The following ALDH1A3 variants were observed in gnomAD, a reference collection of about 807,000 sequenced individuals.
ALDH1A3 encodes aldehyde dehydrogenase 1 family member A3.
A neutral mutation model predicts 57.5 loss-of-function variants in ALDH1A3; 28 were observed. That is an observed-to-expected ratio of 0.49 (90% CI 0.36 to 0.67). The LOEUF is 0.67. Among genes scored for constraint, ALDH1A3 ranks in the 30% least tolerant of loss-of-function variants. The pLI is 0.00. For synonymous variants in ALDH1A3, 281 were observed against 264.8 expected, an observed-to-expected ratio of 1.06 and a Z score of -0.59; for missense variants, 507 against 669.4, an observed-to-expected ratio of 0.76 and a Z score of 2.68.
chr15:100,890,116 G>A lies in ALDH1A3; in HGVS notation c.346-2394G>A, dbSNP rs2041635326. ...TGCTCTTTGGGCGCTCATTTTGGGA[G>A]CTCCCAAACGGAAGCCCTCCCTATC... On this transcript the variant is annotated intron_variant, in intron 3 of 12. Transcript: ENST00000329841. Among the ~76,000 whole-genome samples, 2 of 152,172 alleles carry A rather than the reference G, an allele frequency of 1.3e-5. 1 individual carries two copies. The highest frequency in any genetic ancestry group is 4.1e-4 in the South Asian group (2 of 4,828).
chr15:100,900,457 C>T, intron 8 of ALDH1A3, 118 bp from the exon 9 acceptor site: 1 of 904,242 alleles, frequency 1.1e-6, no homozygotes, highest in Non-Finnish European at 1.7e-6. Context: ...GAAATGCAGC[C>T]ATCCTGGGGC....
chr15:100,914,067 G>A (rs1567175919), intron 12 of ALDH1A3: 1 of 152,384 alleles, frequency 6.6e-6, no homozygotes, highest in Admixed American at 6.5e-5. Context: ...CTATACCAAG[G>A]ATGTGAACCC....
chr15:100,890,554 C>G (rs2041638594), intron 3 of ALDH1A3, among the ~76,000 whole-genome samples: 1 of 152,152 alleles, frequency 6.6e-6, no homozygotes, highest in African/African-American at 2.4e-5. Context: ...GCAATGCTGG[C>G]TGAATGTTCG....
chr15:100,908,496 T>A lies in ALDH1A3; in HGVS notation c.1466+14T>A, dbSNP rs1377752669. The A allele has an allele frequency of 6.2e-7, 1 of 1,604,928 alleles. No homozygotes were observed. The highest frequency in any genetic ancestry group is 1.3e-5 in the African/African-American group (1 of 74,826). Reference sequence around the variant, plus strand: ...TGGCAGAGAACTGTAAGTGTTTCCATCATTCTGAGCCTGCCGTGGGCTGAA... The same window carrying A: ...TGGCAGAGAACTGTAAGTGTTTCCAACATTCTGAGCCTGCCGTGGGCTGAA... On this transcript the variant is annotated intron_variant, in intron 12 of 12. Coordinates refer to ENST00000329841, the MANE Select transcript of ALDH1A3 (RefSeq NM_000693.4).
chr15:100,913,228 C>G (rs1341546636), intron 12 of ALDH1A3: 1 of 152,062 alleles, frequency 6.6e-6, no homozygotes, highest in Non-Finnish European at 1.5e-5. Flanking sequence ...GTTTATTAGT[C>G]TTTTATTGCT....
chr15:100,900,717 C>T lies in ALDH1A3; in HGVS notation c.1026C>T (p.Pro342=), dbSNP rs138675893. The T allele has an allele frequency of 4.6e-5, 74 of 1,614,066 alleles. No individual in the cohort carries two copies. In the African/African-American group the frequency reaches 8.0e-4, roughly 17 times the overall value. ...RRSVEYAKKR[P]VGDPFDVKTE... is the part of the protein sequence containing the mutation. ...GCGTGGAGTATGCCAAGAAACGGCC[C>T]GTGGGAGACCCCTTCGATGTCAAAA... Residue 342 remains proline (P), a synonymous_variant, in exon 9 of 13, where the codon CCC becomes CCT. Transcript: ENST00000329841.
intron 12 of ALDH1A3, among the ~76,000 whole-genome samples, chr15:100,912,242 A>C (rs1259905693): frequency 6.6e-6 from 1 of 152,242 alleles, no homozygotes; most frequent in African/African-American, 2.4e-5. Context: ...GTAATCTGCC[A>C]CATGAAAAAT....
At position 100,915,280 on chromosome 15, in the gene ALDH1A3, G is replaced by GT. The variant is rs141992762; in HGVS notation, c.*513dup. ...TCCTTGGGAAAGGATTCACAGTAAG[G>GT]TTTTTTGGTTTTTGTTTTTTGTTTT... On this transcript the variant is annotated 3_prime_UTR_variant, in exon 13 of 13. Coordinates refer to ENST00000329841, the MANE Select transcript of ALDH1A3 (RefSeq NM_000693.4). 1 of 152,800 alleles carries GT rather than the reference G, an allele frequency of 6.5e-6. No individual in the cohort carries two copies. The highest frequency in any genetic ancestry group is 6.5e-5 in the Admixed American group (1 of 15,380). 9.5% of individuals were successfully genotyped at this position (152,800 alleles called of 1,614,324 possible).
In ALDH1A3 at chr15:100,913,071, T is replaced by G. The variant is rs1481958414; in HGVS notation, c.1467-1630T>G. 5 of 40,368 alleles carry G rather than the reference T, an allele frequency of 1.2e-4. 2 individuals are homozygous for G. The highest frequency in any genetic ancestry group is 2.6e-4 in the African/African-American group (3 of 11,514). 2.5% of individuals were successfully genotyped at this position (40,368 alleles called of 1,614,324 possible). A position where few individuals can be genotyped will look rare whatever the true frequency, so the allele number is the denominator to read the frequency against. On this transcript the variant is annotated intron_variant, in intron 12 of 12. Transcript: ENST00000329841. ...TACTCGGGAGGCTGAGGCAGGAGAATGGCGTGAACCCGGGAGGCGGAGCTT... is the reference window on the plus strand; with the variant it reads ...TACTCGGGAGGCTGAGGCAGGAGAAGGGCGTGAACCCGGGAGGCGGAGCTT...
At chr15:100,892,883 C>A in intron 4 of ALDH1A3, 62 bp from the exon 5 acceptor site, 1 of 1,553,396 alleles carries the variant, frequency 6.4e-7, no homozygotes, top group South Asian at 1.1e-5. Context: ...CTTTTTACTA[C>A]TTGAAGTTCC....
chr15:100,886,759 A>G (rs2041598379), intron 2 of ALDH1A3, among the ~76,000 whole-genome samples: 2 of 152,212 alleles, frequency 1.3e-5, no homozygotes, highest in South Asian at 4.1e-4. Flanking sequence ...TTATTCTATC[A>G]GTGCACAAAA....
intron 2 of ALDH1A3, among the ~76,000 whole-genome samples, chr15:100,886,980 G>A (rs911944304): frequency 1.3e-5 from 2 of 152,234 alleles, no homozygotes; most frequent in African/African-American, 4.8e-5. Context: ...GCAGGCTCGT[G>A]TGCGTTCACA....
At chr15:100,881,666 C>T (rs945108806) in intron 1 of ALDH1A3, among the ~76,000 whole-genome samples, 1 of 151,908 alleles carries the variant, frequency 6.6e-6, no homozygotes, top group Admixed American at 6.6e-5. Flanking sequence ...TTGGTGGGTG[C>T]GCAACCTTTG....
intron 8 of ALDH1A3, 149 bp from the exon 9 acceptor site, chr15:100,900,426 C>T (rs1006696860): frequency 2.6e-6 from 2 of 771,148 alleles, no homozygotes; most frequent in African/African-American, 1.8e-5. Context: ...TTGGGAAAGT[C>T]TGCAAACAAA....
chr15:100,911,574 G>A (rs1389845905), intron 12 of ALDH1A3, among the ~76,000 whole-genome samples: 2 of 152,330 alleles, frequency 1.3e-5, no homozygotes, highest in Middle Eastern at 3.4e-3. Context: ...ATGATGCTAG[G>A]CTCTGAGCAT....
chr15:100,884,530 G>A (rs9944290), intron 1 of ALDH1A3, among the ~76,000 whole-genome samples: 39,562 of 150,128 alleles, frequency 0.26, 5,975 homozygotes, highest in East Asian at 0.57. Context: ...GTACTTCAAC[G>A]CTGGTTTATT....
At chr15:100,897,594 C>A (rs550211044) in intron 7 of ALDH1A3, among the ~76,000 whole-genome samples, 1 of 152,372 alleles carries the variant, frequency 6.6e-6, no homozygotes, top group African/African-American at 2.4e-5. Flanking sequence ...TGGCTGCCCT[C>A]GCTACTTCTC....
At chr15:100,882,611 C>T (rs890781805) in intron 1 of ALDH1A3, among the ~76,000 whole-genome samples, 4 of 152,218 alleles carry the variant, frequency 2.6e-5, no homozygotes, top group African/African-American at 7.2e-5. Flanking sequence ...TCACCTCTGC[C>T]TGAGACACCT....
At chr15:100,908,723 C>T (rs2041851477) in intron 12 of ALDH1A3, among the ~76,000 whole-genome samples, 1 of 152,190 alleles carries the variant, frequency 6.6e-6, no homozygotes, top group Non-Finnish European at 1.5e-5. Flanking sequence ...GTCTGCCCAG[C>T]AGCCATCATG....
Sources: allele counts gnomAD v4.1 joint callset (sites outside exome capture counted in the v4.1 genomes callset), GRCh38; gene constraint gnomAD v4.1.1; transcripts MANE v1.5; gene names NCBI Gene and HGNC (gene_info 2026-07-23, HGNC 2026-07-21).